The following PDE11A variants were observed in gnomAD, a reference collection of about 807,000 sequenced individuals.
The protein encoded by PDE11A is dual 3',5'-cyclic-AMP and -GMP phosphodiesterase 11A.
A neutral mutation model predicts 100.5 loss-of-function variants in PDE11A; 100 were observed. The observed-to-expected ratio is 1.00, with a 90% CI of 0.85 to 1.18. PDE11A has a LOEUF of 1.18. PDE11A is among the 50% of genes most tolerant of loss of function. PDE11A has a pLI of 0.00. For synonymous variants in PDE11A, 381 were observed against 420.8 expected (o/e 0.91, Z 1.16); for missense variants, 1,141 against 1,152.6 (o/e 0.99, Z 0.15).
At chr2:177,694,646 A>G (rs995140721) in intron 15 of PDE11A, among the ~76,000 whole-genome samples, 2 of 152,220 alleles carry the variant, frequency 1.3e-5, no homozygotes, top group African/African-American at 4.8e-5. Flanking sequence ...TGGGATTTTA[A>G]TTTTTAAGTA....
intron 1 of PDE11A, among the ~76,000 whole-genome samples, chr2:178,055,411 C>T (rs533692119): frequency 1.8e-4 from 28 of 152,006 alleles, no homozygotes; most frequent in Non-Finnish European, 4.1e-4. Context: ...GACGAATTAA[C>T]GGGTGCAGCA....
rs897377740 is a variant in PDE11A at position 177,624,217 on chromosome 2, G to A, written c.*5190C>T. 6.7e-6 allele frequency: 1 copy of A among 148,928 alleles called. No homozygotes were observed. The allele number at this position is 148,928 out of a possible 1,614,324, so 9.2% of individuals were successfully genotyped here. On this transcript the variant is annotated 3_prime_UTR_variant, in exon 20 of 20. Coordinates refer to ENST00000286063, the MANE Select transcript of PDE11A (RefSeq NM_016953.4). ...CAGAGTTTTTAGGGTCCCAAATTAG[G>A]TTTTGTTCTGTTGCTTTAATGAATC...
chr2:177,705,551 A>AG (rs2081265950), intron 13 of PDE11A, among the ~76,000 whole-genome samples: 1 of 152,352 alleles, frequency 6.6e-6, no homozygotes, highest in African/African-American at 2.4e-5. Flanking sequence ...AGAAAAGTCA[A>AG]GGTGGAAATT....
intron 6 of PDE11A, among the ~76,000 whole-genome samples, chr2:177,838,019 C>T (rs7595421): frequency 0.21 from 31,582 of 151,970 alleles, 3,370 homozygotes; most frequent in Middle Eastern, 0.25. Context: ...TATTTTTCTC[C>T]ATTTTGTCTT....
intron 19 of PDE11A, among the ~76,000 whole-genome samples, chr2:177,648,333 A>T (rs2080254838): frequency 6.6e-6 from 1 of 151,548 alleles, no homozygotes; most frequent in African/African-American, 2.4e-5. Context: ...ATATGGGAAA[A>T]GTTTGTTTGT....
At chr2:177,722,471 A>T (rs1323163613) in intron 12 of PDE11A, among the ~76,000 whole-genome samples, 1 of 152,162 alleles carries the variant, frequency 6.6e-6, no homozygotes, top group Non-Finnish European at 1.5e-5. Context: ...CAGGTTCTTA[A>T]TTATGTGCAG....
intron 1 of PDE11A, among the ~76,000 whole-genome samples, chr2:178,104,866 T>C (rs1178291596): frequency 6.6e-6 from 1 of 152,222 alleles, no homozygotes; most frequent in Admixed American, 6.5e-5. Context: ...GGTCTAATTT[T>C]GCAACCCCTT....
chr2:177,951,962 T>C (rs902664228), intron 2 of PDE11A, among the ~76,000 whole-genome samples: 7 of 152,220 alleles, frequency 4.6e-5, no homozygotes, highest in Non-Finnish European at 7.4e-5. Context: ...AACGTGCAGG[T>C]TTGTTACATA....
At chr2:177,677,751 T>A (rs2080801256) in intron 16 of PDE11A, 1 of 152,210 alleles carries the variant, frequency 6.6e-6, no homozygotes, top group South Asian at 2.1e-4. Context: ...TCTATGTTAT[T>A]TTTTAGATTA....
At position 177,626,218 on chromosome 2, in the gene PDE11A, A is replaced by C. The variant is rs1272100641; in HGVS notation, c.*3189T>G. On this transcript the variant is annotated 3_prime_UTR_variant, in exon 20 of 20. Coordinates refer to ENST00000286063, the MANE Select transcript of PDE11A (RefSeq NM_016953.4). ...GTTCCCCTTAGCAATATGTAGCATCAATGTTCAGGATAGCTACAGTGCTCA... is the reference window on the plus strand; with the variant it reads ...GTTCCCCTTAGCAATATGTAGCATCCATGTTCAGGATAGCTACAGTGCTCA... The C allele has an allele frequency of 1.3e-5, 2 of 152,610 alleles. No individual in the cohort carries two copies. Among genetic ancestry groups the C allele is most frequent in the African/African-American group, 4.8e-5 (2 of 41,428 alleles). The allele number at this position is 152,610 out of a possible 1,614,324, so 9.5% of individuals were successfully genotyped here. A position where few individuals can be genotyped will look rare whatever the true frequency, so the allele number is the denominator to read the frequency against.
chr2:177,633,365 A>G (rs977594760), intron 19 of PDE11A, among the ~76,000 whole-genome samples: 3 of 152,196 alleles, frequency 2.0e-5, no homozygotes, highest in African/African-American at 7.2e-5. Flanking sequence ...ACAACTGCAA[A>G]CCACCTGTTA....
At chr2:178,045,982 G>A (rs1020890562) in intron 1 of PDE11A, among the ~76,000 whole-genome samples, 4 of 152,180 alleles carry the variant, frequency 2.6e-5, no homozygotes, top group African/African-American at 9.6e-5. Flanking sequence ...TCTAAACAGA[G>A]ATGGATAATT....
At chr2:177,935,414 G>A (rs1462468731) in intron 2 of PDE11A, among the ~76,000 whole-genome samples, 1 of 152,196 alleles carries the variant, frequency 6.6e-6, no homozygotes, top group African/African-American at 2.4e-5. Flanking sequence ...GTCATTGTGA[G>A]ACATCATTTT....
intron 10 of PDE11A, among the ~76,000 whole-genome samples, chr2:177,734,223 A>C (rs2081738829): frequency 2.0e-5 from 3 of 152,164 alleles, no homozygotes; most frequent in Non-Finnish European, 2.9e-5. Context: ...TTCAGAGCTG[A>C]CTTTGGAATG....
intron 9 of PDE11A, among the ~76,000 whole-genome samples, chr2:177,806,374 C>T (rs1020377606): frequency 7.9e-5 from 12 of 152,116 alleles, no homozygotes; most frequent in Admixed American, 1.3e-4. Flanking sequence ...TTCATAATCT[C>T]TTTTTAAAGC....
At chr2:177,632,374 G>C (rs113236228) in intron 19 of PDE11A, among the ~76,000 whole-genome samples, 364 of 152,136 alleles carry the variant, frequency 2.4e-3, no homozygotes, top group African/African-American at 8.3e-3. Flanking sequence ...TTGGGGTAAG[G>C]GTTGACACCA....
chr2:177,981,123 C>G lies in PDE11A; in HGVS notation c.1071+33179G>C, dbSNP rs189802828. 1.0e-3 allele frequency among the ~76,000 whole-genome samples: 154 copies of G among 150,596 alleles called. 3 individuals carry two copies. The Middle Eastern group carries it at 0.01, about 10-fold the overall frequency. On this transcript the variant is annotated intron_variant, in intron 2 of 19. Transcript: ENST00000286063. ...ACTTAACCTCCAGTAAGCTAGTTATCTTGACTTGTTAGTATCTTGGGAAGA... is the reference window on the plus strand; with the variant it reads ...ACTTAACCTCCAGTAAGCTAGTTATGTTGACTTGTTAGTATCTTGGGAAGA...
chr2:178,054,683 C>CA (rs201093071), intron 1 of PDE11A, among the ~76,000 whole-genome samples: 2,248 of 152,230 alleles, frequency 0.015, 43 homozygotes, highest in East Asian at 0.09. Flanking sequence ...AAAAACTGGG[C>CA]AAAGGATATG....
At chr2:177,893,726 A>G (rs1179509310) in intron 4 of PDE11A, among the ~76,000 whole-genome samples, 1 of 152,166 alleles carries the variant, frequency 6.6e-6, no homozygotes, top group Admixed American at 6.5e-5. Flanking sequence ...GGGGCATCAG[A>G]GGTGATGAAG....
Sources: allele counts gnomAD v4.1 joint callset (sites outside exome capture counted in the v4.1 genomes callset), GRCh38; gene constraint gnomAD v4.1.1; transcripts MANE v1.5; gene names NCBI Gene and HGNC (gene_info 2026-07-23, HGNC 2026-07-21).